The following RP1 variants were observed in gnomAD, a reference collection of about 807,000 sequenced individuals.
The protein encoded by RP1 is RP1 axonemal microtubule associated, also known as oxygen-regulated protein 1.
Under a neutral mutation model 14.8 loss-of-function variants are expected in RP1, and 16 were observed. The observed-to-expected ratio is 1.08, with a 90% CI of 0.73 to 1.65. RP1 has a LOEUF of 1.65. Ranked by LOEUF, RP1 falls within the 40% of genes most tolerant of loss-of-function variation. The pLI is 0.00. For missense variants in RP1, 2,631 were observed against 2,535.0 expected (o/e 1.04, Z -0.81); for synonymous variants, 876 against 883.6 (o/e 0.99, Z 0.15).
intron 1 of RP1, among the ~76,000 whole-genome samples, chr8:54,586,807 T>C (rs1804937320): frequency 6.6e-6 from 1 of 152,222 alleles, no homozygotes; most frequent in Non-Finnish European, 1.5e-5. Flanking sequence ...GTGCGGGATA[T>C]AATCTCGTGG....
chr8:54,812,750 GTATC>G (rs952031810), intron 24 of RP1, among the ~76,000 whole-genome samples: 18 of 146,836 alleles, frequency 1.2e-4, no homozygotes, highest in Non-Finnish European at 2.1e-4. Flanking sequence ...ATGTATCCAT[GTATC>G]TATCTATCAT....
intron 12 of RP1, among the ~76,000 whole-genome samples, chr8:54,687,682 C>A (rs1033278297): frequency 6.6e-6 from 1 of 151,962 alleles, no homozygotes; most frequent in South Asian, 2.1e-4. Context: ...GGTGTATATA[C>A]GCCACATTTT....
At chr8:54,869,596 C>T (rs1812534832) in intron 28 of RP1, among the ~76,000 whole-genome samples, 1 of 152,262 alleles carries the variant, frequency 6.6e-6, no homozygotes, top group Admixed American at 6.5e-5. Context: ...TACCAGAGGA[C>T]TTTTCTAAAA....
intron 1 of RP1, among the ~76,000 whole-genome samples, chr8:54,597,393 C>T (rs1376957251): frequency 1.3e-5 from 2 of 152,044 alleles, no homozygotes; most frequent in Admixed American, 6.6e-5. Context: ...ATTATTACAG[C>T]ATTTTTAGAT....
chr8:54,753,059 AT>A (rs2129365900), intron 19 of RP1, among the ~76,000 whole-genome samples: 1 of 152,344 alleles, frequency 6.6e-6, no homozygotes, highest in Non-Finnish European at 1.5e-5. Context: ...CATTATTTCT[AT>A]TTTAAAGACC....
chr8:54,723,949 T>A (rs555224650), intron 16 of RP1, among the ~76,000 whole-genome samples: 1 of 152,198 alleles, frequency 6.6e-6, no homozygotes, highest in Non-Finnish European at 1.5e-5. Context: ...CCTCTGTATA[T>A]AAATCATGAG....
chr8:54,869,899 G>T, exon 29 of RP1: 2 of 1,232,036 alleles, frequency 1.6e-6, no homozygotes, highest in East Asian at 3.2e-5. Context: ...CTCGCAGAAA[G>T]TAGTCCCAGT....
chr8:54,744,956 T>C (rs960699894), intron 19 of RP1, among the ~76,000 whole-genome samples: 4 of 152,124 alleles, frequency 2.6e-5, no homozygotes, highest in Admixed American at 2.6e-4. Flanking sequence ...ACATCAAGTC[T>C]CTCCTTGGAC....
chr8:54,676,521 T>G (rs373557704), intron 8 of RP1, among the ~76,000 whole-genome samples: 3 of 152,170 alleles, frequency 2.0e-5, no homozygotes, highest in Admixed American at 6.5e-5. Context: ...TCCGAGAAGA[T>G]AGTAAGATAA....
intron 24 of RP1, among the ~76,000 whole-genome samples, chr8:54,801,202 C>T (rs755398010): frequency 2.6e-5 from 4 of 152,130 alleles, no homozygotes; most frequent in Admixed American, 6.6e-5. Flanking sequence ...GTCTGTCTAC[C>T]TGGCTTTGGC....
chr8:54,806,860 T>C (rs1430014730), intron 24 of RP1, among the ~76,000 whole-genome samples: 1 of 152,176 alleles, frequency 6.6e-6, no homozygotes, highest in Non-Finnish European at 1.5e-5. Context: ...ATAATACCAT[T>C]GTTAAGGTTA....
chr8:54,858,340 C>T (rs781488488), intron 27 of RP1, among the ~76,000 whole-genome samples: 4 of 152,224 alleles, frequency 2.6e-5, no homozygotes, highest in Non-Finnish European at 5.9e-5. Flanking sequence ...ACATAATATG[C>T]TTCCTTCTAT....
At chr8:54,660,157 G>T (rs1240201816) in intron 6 of RP1, among the ~76,000 whole-genome samples, 1 of 151,764 alleles carries the variant, frequency 6.6e-6, no homozygotes, top group Non-Finnish European at 1.5e-5. Flanking sequence ...CTTCCAAGTT[G>T]GTTATCTTTT....
At chr8:54,704,332 C>CGA (rs1808099165) in intron 14 of RP1, among the ~76,000 whole-genome samples, 1 of 152,050 alleles carries the variant, frequency 6.6e-6, no homozygotes, top group South Asian at 2.1e-4. Flanking sequence ...AATAGAGAGG[C>CGA]GAGAGAGAGA....
At chr8:54,709,745 T>C (rs1298792401) in intron 15 of RP1, among the ~76,000 whole-genome samples, 1 of 152,066 alleles carries the variant, frequency 6.6e-6, no homozygotes, top group Non-Finnish European at 1.5e-5. Context: ...GTCCAGAGGG[T>C]TAAGGTCACT....
chr8:54,599,803 G>T (rs1186943770), intron 1 of RP1, among the ~76,000 whole-genome samples: 1 of 152,166 alleles, frequency 6.6e-6, no homozygotes. Context: ...TTGGTATGAT[G>T]AGTGCTTTTT....
chr8:54,847,386 A>C lies in RP1; in HGVS notation c.3836-5188A>C, dbSNP rs1211766753. Among the ~76,000 whole-genome samples the C allele has an allele frequency of 3.3e-5, 5 of 152,180 alleles. No individual in the cohort carries two copies. In the East Asian group the frequency reaches 7.7e-4, roughly 23 times the overall value. On this transcript the variant is annotated intron_variant, in intron 25 of 28. Transcript: ENST00000637698. ...CGGAGGCCCCAGGGCCCTCAGGGCA[A>C]AAAAGAAAAATGTAGGGAAGAAAAG...
intron 24 of RP1, among the ~76,000 whole-genome samples, chr8:54,787,808 A>G (rs1810359658): frequency 6.6e-6 from 1 of 152,220 alleles, no homozygotes; most frequent in Non-Finnish European, 1.5e-5. Context: ...TGGTTAATAC[A>G]GTTTTGCCTT....
chr8:54,824,969 T>A (rs1487646545), intron 24 of RP1, among the ~76,000 whole-genome samples: 5 of 151,540 alleles, frequency 3.3e-5, no homozygotes, highest in Admixed American at 6.6e-5. Flanking sequence ...TCTTTTTTTT[T>A]TTTAATTTAT....
Sources: gnomAD v4.1 joint callset for allele counts (sites outside exome capture counted in the v4.1 genomes callset) on GRCh38, gnomAD v4.1.1 for gene constraint, MANE v1.5 for transcripts, NCBI Gene and HGNC (gene_info 2026-07-23, HGNC 2026-07-21) for gene names.